The following IFNAR1 variants were observed in gnomAD, a reference collection of about 807,000 sequenced individuals.
IFNAR1 encodes interferon alpha/beta receptor 1.
Under a neutral mutation model 62.1 loss-of-function variants are expected in IFNAR1, and 47 were observed. That is an observed-to-expected ratio of 0.76 (90% CI 0.60 to 0.97). The LOEUF is 0.97. Among genes scored for constraint, IFNAR1 ranks in the 50% least tolerant of loss-of-function variants. The pLI is 0.00. For synonymous variants in IFNAR1, 219 were observed against 226.9 expected (o/e 0.97, Z 0.31); for missense variants, 638 against 654.5 (o/e 0.97, Z 0.27).
chr21:33,358,558 C>T lies in IFNAR1; in HGVS notation c.*3009C>T, dbSNP rs149169161. On this transcript the variant is annotated 3_prime_UTR_variant, in exon 11 of 11. Transcript: ENST00000270139. ...TCATATATGTACCTGCACATGTACC[C>T]ACCTGATGTAGGTCTTATTCCTTTA... The T allele has an allele frequency of 6.6e-5, 10 of 152,094 alleles. No individual in the cohort carries two copies. Among genetic ancestry groups the T allele is most frequent in the African/African-American group, 2.4e-4 (10 of 41,504 alleles). 9.4% of individuals were successfully genotyped at this position (152,094 alleles called of 1,614,324 possible).
chr21:33,325,646 A>G (rs2083119706), intron 1 of IFNAR1, among the ~76,000 whole-genome samples: 1 of 152,158 alleles, frequency 6.6e-6, no homozygotes, highest in Non-Finnish European at 1.5e-5. Flanking sequence ...AGCCTGCTTC[A>G]GGGCGCATCC....
rs368371538 is a variant in IFNAR1, at chr21:33,345,292, A to C, written c.720A>C (p.Gln240His). Residue 240 changes from glutamine (Q) to histidine (H), a missense_variant, in exon 6 of 11, where the codon CAA becomes CAC. Coordinates refer to ENST00000270139, the MANE Select transcript of IFNAR1 (RefSeq NM_000629.3). ...CAGAAAATATAGAAGTCAGTGTCCA[A>C]AATCAGAACTATGTTCTTAAATGGG... ...PPPENIEVSV[Q>H]NQNYVLKWDY... The C allele has an allele frequency of 6.2e-7, 1 of 1,607,808 alleles. No homozygotes were observed. Among genetic ancestry groups the C allele is most frequent in the Non-Finnish European group, 8.5e-7 (1 of 1,175,086 alleles).
chr21:33,328,311 G>C (rs2083145822), intron 1 of IFNAR1, among the ~76,000 whole-genome samples: 1 of 152,172 alleles, frequency 6.6e-6, no homozygotes, highest in Non-Finnish European at 1.5e-5. Flanking sequence ...CTTAACGTCT[G>C]TGTTGTTGTT....
chr21:33,343,189 G>A, intron 3 of IFNAR1, 79 bp from the exon 4 acceptor site: 1 of 1,234,744 alleles, frequency 8.1e-7, no homozygotes, highest in Non-Finnish European at 1.2e-6. Context: ...CATATTAAGT[G>A]CTCAGAATTA....
intron 5 of IFNAR1, among the ~76,000 whole-genome samples, chr21:33,344,396 C>G (rs894534318): frequency 2.0e-5 from 3 of 151,810 alleles, no homozygotes; most frequent in Non-Finnish European, 4.4e-5. Context: ...AGGTCAAGGG[C>G]AGGAGCTGGG....
intron 2 of IFNAR1, among the ~76,000 whole-genome samples, chr21:33,340,270 C>T (rs2083281424): frequency 6.6e-6 from 1 of 152,078 alleles, no homozygotes. Flanking sequence ...CATACTGATT[C>T]TGAGGTCTTT....
rs960701695 is a variant in IFNAR1 at position 33,358,342 on chromosome 21, G to A, written c.*2793G>A. 3.3e-5 allele frequency: 5 copies of A among 152,038 alleles called. No homozygotes were observed. Among genetic ancestry groups the A allele is most frequent in the Non-Finnish European group, 7.4e-5 (5 of 68,024 alleles). 9.4% of individuals were successfully genotyped at this position (152,038 alleles called of 1,614,324 possible). A position where few individuals can be genotyped will look rare whatever the true frequency, so the allele number is the denominator to read the frequency against. ...TTTACTTAGAAATACCATGCACTTG[G>A]GGGTACCAATTAACCGCCTGAAAAT... On this transcript the variant is annotated 3_prime_UTR_variant, in exon 11 of 11. Transcript: ENST00000270139.
rs147954262 is a variant in IFNAR1 at position 33,333,727 on chromosome 21, C to T, written c.77-1797C>T. On this transcript the variant is annotated intron_variant, in intron 1 of 10. Coordinates refer to ENST00000270139, the MANE Select transcript of IFNAR1 (RefSeq NM_000629.3). The stretch of plus-strand genomic sequence containing the variant: ...CAAGCTCCGCCTCCCGGGTTCACGC[C>T]ATTCTCCTGCCTCAGCCTCCTGAGT... 9.1e-3 allele frequency among the ~76,000 whole-genome samples: 1,365 copies of T among 150,796 alleles called. 9 individuals carry two copies. Among genetic ancestry groups the T allele is most frequent in the Non-Finnish European group, 0.012 (802 of 67,806 alleles).
chr21:33,351,017 TGGACAAG>T (rs1337673016), intron 8 of IFNAR1, among the ~76,000 whole-genome samples: 1 of 152,226 alleles, frequency 6.6e-6, no homozygotes, highest in Non-Finnish European at 1.5e-5. Flanking sequence ...AGCACATTGC[TGGACAAG>T]TAGTAGAGAT....
chr21:33,330,645 AAAC>A (rs2083168458), intron 1 of IFNAR1, among the ~76,000 whole-genome samples: 1 of 152,182 alleles, frequency 6.6e-6, no homozygotes, highest in Non-Finnish European at 1.5e-5. Context: ...AACAACAAAT[AAAC>A]AACTACATTT....
In IFNAR1 at chr21:33,355,772, C is replaced by G; in HGVS notation, c.*223C>G. ...GTGGCTCACACCTGTAATCCCAGCA[C>G]TTTGGGAGGCTGAGGCAGGCAGATC... On this transcript the variant is annotated 3_prime_UTR_variant, in exon 11 of 11. Transcript: ENST00000270139. 1 of 237,276 alleles carries G rather than the reference C, an allele frequency of 4.2e-6. No individual in the cohort carries two copies. The highest frequency in any genetic ancestry group is 8.2e-6 in the Non-Finnish European group (1 of 121,800). 14.7% of individuals were successfully genotyped at this position (237,276 alleles called of 1,614,324 possible). A position where few individuals can be genotyped will look rare whatever the true frequency, so the allele number is the denominator to read the frequency against.
intron 9 of IFNAR1, among the ~76,000 whole-genome samples, chr21:33,353,246 T>C (rs763193207): frequency 6.6e-6 from 1 of 152,240 alleles, no homozygotes; most frequent in Non-Finnish European, 1.5e-5. Flanking sequence ...CTTAGTTCAA[T>C]TGTGAGTTTT....
At chr21:33,327,431 T>C in intron 1 of IFNAR1, among the ~76,000 whole-genome samples, 1 of 152,114 alleles carries the variant, frequency 6.6e-6, no homozygotes, top group Non-Finnish European at 1.5e-5. Context: ...ACTGTTATGC[T>C]TAGTTAACAG....
At chr21:33,339,011 G>A (rs1351608281) in intron 2 of IFNAR1, among the ~76,000 whole-genome samples, 1 of 151,730 alleles carries the variant, frequency 6.6e-6, no homozygotes, top group African/African-American at 2.4e-5. Context: ...CAAAGTGCTG[G>A]GATTACAGGT....
intron 2 of IFNAR1, among the ~76,000 whole-genome samples, chr21:33,339,927 CAAAAAAAAAAAAA>C (rs532975886): frequency 3.7e-5 from 3 of 81,832 alleles, no homozygotes; most frequent in East Asian, 3.7e-4. Flanking sequence ...GACTCTGTCT[CAAAAAAAAAAAAA>C]AAAAAAAAAA....
At chr21:33,352,642 T>C in intron 8 of IFNAR1, 116 bp from the exon 9 acceptor site, 1 of 540,434 alleles carries the variant, frequency 1.9e-6, no homozygotes, top group Non-Finnish European at 3.3e-6. Context: ...AAAAAATACA[T>C]ACCAACTACG....
chr21:33,334,593 G>A (rs1757824164), intron 1 of IFNAR1: 4 of 596,700 alleles, frequency 6.7e-6, no homozygotes, highest in Non-Finnish European at 1.3e-5. Context: ...CCTGAAAGGT[G>A]AAATGAAAGG....
At chr21:33,346,967 G>A (rs182453300) in intron 6 of IFNAR1, among the ~76,000 whole-genome samples, 2 of 152,208 alleles carry the variant, frequency 1.3e-5, no homozygotes, top group East Asian at 1.9e-4. Flanking sequence ...GAGTCCAAGC[G>A]TGGCTTAGCT....
rs2083483303 is a variant in IFNAR1, at chr21:33,359,764, C to T, written c.*4215C>T. ...ACACACACTTGTGTTTTTAAGCTTC[C>T]CTTTTTTACAGTGGACAAGGACACA... On this transcript the variant is annotated 3_prime_UTR_variant, in exon 11 of 11. Transcript: ENST00000270139. 1 of 152,086 alleles carries T rather than the reference C, an allele frequency of 6.6e-6. No individual in the cohort carries two copies. The highest frequency in any genetic ancestry group is 1.5e-5 in the Non-Finnish European group (1 of 68,006). 9.4% of individuals were successfully genotyped at this position (152,086 alleles called of 1,614,324 possible). A position where few individuals can be genotyped will look rare whatever the true frequency, so the allele number is the denominator to read the frequency against.
Sources: gnomAD v4.1 joint callset for allele counts (sites outside exome capture counted in the v4.1 genomes callset) on GRCh38, gnomAD v4.1.1 for gene constraint, MANE v1.5 for transcripts, NCBI Gene and HGNC (gene_info 2026-07-23, HGNC 2026-07-21) for gene names.